Variants in MEGF8 observed in about 807,000 individuals in gnomAD.
MEGF8 encodes the protein multiple epidermal growth factor-like domains protein 8.
In MEGF8, 156 loss-of-function variants were observed where a neutral mutation model predicts 302.9. The ratio of observed to expected loss-of-function variants is 0.52; its 90% CI spans 0.45 to 0.59. The LOEUF (loss-of-function observed/expected upper bound fraction) is 0.59, where lower values mean the gene tolerates loss of function less well. Ranked by LOEUF, MEGF8 falls within the 20% of genes least tolerant of loss-of-function variation. The pLI, the probability that MEGF8 is intolerant of heterozygous loss-of-function variation, is 0.00. For synonymous variants in MEGF8, 1,621 were observed against 1,660.5 expected, an observed-to-expected ratio of 0.98 and a Z score of 0.58; for missense variants, 3,345 against 3,964.5, an observed-to-expected ratio of 0.84 and a Z score of 4.20.
rs1568576502 is a variant in MEGF8, at chr19:42,369,991, G to A, written c.6835-198G>A. Among the ~76,000 whole-genome samples the A allele has an allele frequency of 6.6e-6, 1 of 152,330 alleles. No homozygotes were observed. Among genetic ancestry groups the A allele is most frequent in the East Asian group, 1.9e-4 (1 of 5,172 alleles). On this transcript the variant is annotated intron_variant, in intron 38 of 41. Transcript: ENST00000251268. This position sits in a 1 kb window ranked among gnomAD's most constrained non-coding sequence, Gnocchi z 5.7. ...GGAGGATTTGAGATAATGGAGGGAA[G>A]GGCTTTTGAACTCAGCACTTTGGGC...
In MEGF8 at chr19:42,336,294, G is replaced by A; in HGVS notation, c.1192G>A (p.Ala398Thr). ...CACTGGCCACTCCATGGTGTTCCAT[G>A]CCCCCTCCCGTGCCCTGCTGGTCCA... is the stretch of plus-strand genomic sequence containing the variant. ...AATGHSMVFH[A>T]PSRALLVHGG... The change falls in exon 6 of 42, where the codon GCC becomes ACC. Residue 398 changes from alanine to threonine, a missense_variant. By Grantham distance (58) the Ala-to-Thr change is moderately conservative. Coordinates refer to ENST00000251268, the MANE Select transcript of MEGF8 (RefSeq NM_001271938.2). This position sits in a 1 kb window ranked among gnomAD's most constrained non-coding sequence, Gnocchi z 4.8. The A allele has an allele frequency of 1.2e-6, 2 of 1,607,912 alleles. No homozygotes were observed. Among genetic ancestry groups the A allele is most frequent in the Non-Finnish European group, 1.7e-6 (2 of 1,179,548 alleles).
chr19:42,344,882 A>G lies in MEGF8; in HGVS notation c.2097+49A>G, dbSNP rs747696368. 2.7e-6 allele frequency: 4 copies of G among 1,468,118 alleles called. No homozygotes were observed. The highest frequency in any genetic ancestry group is 3.6e-6 in the Non-Finnish European group (4 of 1,103,592). The allele number at this position is 1,468,118 out of a possible 1,614,324, so 90.9% of individuals were successfully genotyped here. ...GTGGGGTGTTGATGATCCTGATCCTAGGGTTTGTTTTTTCTCAAATGCATC... is the reference window on the plus strand; with the variant it reads ...GTGGGGTGTTGATGATCCTGATCCTGGGGTTTGTTTTTTCTCAAATGCATC... On this transcript the variant is annotated intron_variant, in intron 12 of 41. Coordinates refer to ENST00000251268, the MANE Select transcript of MEGF8 (RefSeq NM_001271938.2). The surrounding 1 kb of genome is among the most constrained non-coding windows in gnomAD (Gnocchi z 4.5).
At chr19:42,337,238 C>T (rs767331135) in intron 8 of MEGF8, 32 bp downstream of exon 8, 34 of 1,611,972 alleles carry the variant, frequency 2.1e-5, no homozygotes, top group Non-Finnish European at 2.7e-5. Flanking sequence ...CTAGGGGCTC[C>T]TGAGGGTCCC....
intron 2 of MEGF8, 40 bp downstream of exon 2, chr19:42,333,808 A>G (rs1361122604): frequency 1.2e-6 from 2 of 1,604,966 alleles, no homozygotes; most frequent in African/African-American, 1.3e-5. Context: ...ACCGAGGGAA[A>G]TGGAAGAAGA....
chr19:42,363,299 C>T, intron 35 of MEGF8, 37 bp downstream of exon 35: 1 of 1,536,018 alleles, frequency 6.5e-7, no homozygotes, highest in Non-Finnish European at 8.8e-7. Context: ...AGGCAAGGGC[C>T]CGGGCAGGTC....
rs1036442786 is a variant in MEGF8, at chr19:42,352,138, C to T, written c.3102-70C>T. ...TCCTTCCAATTGGCCTCCTCTCTCC[C>T]TGTCATTGTTTCTATGTATGGCTCC... On this transcript the variant is annotated intron_variant, in intron 18 of 41. Coordinates refer to ENST00000251268, the MANE Select transcript of MEGF8 (RefSeq NM_001271938.2). The surrounding 1 kb of genome is among the most constrained non-coding windows in gnomAD (Gnocchi z 4.4). 4.8e-6 allele frequency: 7 copies of T among 1,447,614 alleles called. No homozygotes were observed. The African/African-American group carries it at 1.0e-4, about 21-fold the overall frequency. 89.7% of individuals were successfully genotyped at this position (1,447,614 alleles called of 1,614,324 possible).
intron 12 of MEGF8, among the ~76,000 whole-genome samples, chr19:42,347,976 G>T (rs2039314184): frequency 6.6e-6 from 1 of 152,194 alleles, no homozygotes; most frequent in African/African-American, 2.4e-5. Flanking sequence ...GAAAGGTGAG[G>T]AGTTGGATAA....
At chr19:42,350,497 CCTTGATCTG>C in intron 15 of MEGF8, 113 bp downstream of exon 15, 1 of 968,428 alleles carries the variant, frequency 1.0e-6, no homozygotes, top group South Asian at 1.7e-5. Context: ...GGGCTTTTGG[CCTTGATCTG>C]CAGAGCCTGG....
chr19:42,344,115 C>T lies in MEGF8; in HGVS notation c.1788+42C>T. 1 of 1,602,338 alleles carries T rather than the reference C, an allele frequency of 6.2e-7. No individual in the cohort carries two copies. Among genetic ancestry groups the T allele is most frequent in the Non-Finnish European group, 8.5e-7 (1 of 1,175,378 alleles). On this transcript the variant is annotated intron_variant, in intron 10 of 41. Transcript: ENST00000251268. This position sits in a 1 kb window ranked among gnomAD's most constrained non-coding sequence, Gnocchi z 4.5. ...GACCCTCTGTTCCCTAGCATAGAGA[C>T]CTGCCCTCAGTGTCTCCCTCTGCCT... is the stretch of plus-strand genomic sequence containing the variant.
In MEGF8 at chr19:42,368,711, G is replaced by A. The variant is rs200476096; in HGVS notation, c.6481+49G>A. The A allele has an allele frequency of 4.3e-5, 66 of 1,536,482 alleles. No homozygotes were observed. In the African/African-American group the frequency reaches 8.9e-4, roughly 21 times the overall value. ...GGAGAGGGGCTGGCCCTTGGTTGGG[G>A]TCTGATACAGTGAACATAGGGATAC... On this transcript the variant is annotated intron_variant, in intron 36 of 41. Transcript: ENST00000251268. The surrounding 1 kb of genome is among the most constrained non-coding windows in gnomAD (Gnocchi z 4.9).
rs2039768715 is a variant in MEGF8, at chr19:42,376,260, G to A, written c.8023G>A (p.Ala2675Thr). 1 of 1,611,080 alleles carries A rather than the reference G, an allele frequency of 6.2e-7. No individual in the cohort carries two copies. The highest frequency in any genetic ancestry group is 2.2e-5 in the East Asian group (1 of 44,718). The change falls in exon 42 of 42, where the codon GCT (alanine) becomes ACT (threonine). Residue 2675 changes from alanine (A) to threonine (T), a missense_variant. Physicochemically the swap from Ala to Thr is moderately conservative, Grantham distance 58 (BLOSUM62 0). Coordinates refer to ENST00000251268, the MANE Select transcript of MEGF8 (RefSeq NM_001271938.2). This position sits in a 1 kb window ranked among gnomAD's most constrained non-coding sequence, Gnocchi z 8.2. ...TGTGCTCCTCTGGAAGGCCAAGCAGGCTCTGGACCAGCGGCAGGAGCAGCG... is the reference window on the plus strand; with the variant it reads ...TGTGCTCCTCTGGAAGGCCAAGCAGACTCTGGACCAGCGGCAGGAGCAGCG... ...LCVLLWKAKQ[A>T]LDQRQEQRRH...
At position 42,377,662 on chromosome 19, in the gene MEGF8, T is replaced by G. The variant is rs778666438; in HGVS notation, c.*887T>G. The G allele has an allele frequency of 6.6e-6, 1 of 152,230 alleles. No homozygotes were observed. Among genetic ancestry groups the G allele is most frequent in the Admixed American group, 6.6e-5 (1 of 15,246 alleles). The allele number at this position is 152,230 out of a possible 1,614,324, so 9.4% of individuals were successfully genotyped here. A position where few individuals can be genotyped will look rare whatever the true frequency, so the allele number is the denominator to read the frequency against. On this transcript the variant is annotated 3_prime_UTR_variant, in exon 42 of 42. Transcript: ENST00000251268. ...ATTAGCTGGGCATGGTGGCACACACTTGTAGTCCGAGCTACTCGGGAGGCT... is the reference window on the plus strand; with the variant it reads ...ATTAGCTGGGCATGGTGGCACACACGTGTAGTCCGAGCTACTCGGGAGGCT...
rs1328107580 is a variant in MEGF8 at position 42,351,379 on chromosome 19, G to A, written c.2855+45G>A. 1 of 1,572,490 alleles carries A rather than the reference G, an allele frequency of 6.4e-7. No homozygotes were observed. The highest frequency in any genetic ancestry group is 1.9e-5 in the Admixed American group (1 of 53,312). ...GGGAGTGGGTGGGTGGATGTGCCTG[G>A]GGATGTGTGCTGGCTGTGGAGTGAC... On this transcript the variant is annotated intron_variant, in intron 16 of 41. Transcript: ENST00000251268. This position sits in a 1 kb window ranked among gnomAD's most constrained non-coding sequence, Gnocchi z 5.6.
At chr19:42,343,755 G>A in intron 9 of MEGF8, 124 bp downstream of exon 9, 1 of 1,384,430 alleles carries the variant, frequency 7.2e-7, no homozygotes, top group Admixed American at 2.6e-5. Context: ...GACCATGAGA[G>A]AAGGGAAGGA....
rs2039418812 is a variant in MEGF8 at position 42,354,151 on chromosome 19, A to G, written c.4011+127A>G. 8.5e-7 allele frequency: 1 copy of G among 1,182,486 alleles called. No individual in the cohort carries two copies. Among genetic ancestry groups the G allele is most frequent in the Non-Finnish European group, 1.1e-6 (1 of 874,620 alleles). The allele number at this position is 1,182,486 out of a possible 1,614,324, so 73.2% of individuals were successfully genotyped here. ...TTTTTTGTTTTTTTAATCCTTCAAA[A>G]CCCAAACTCCTCCTCAGATCCCCAG... is the stretch of plus-strand genomic sequence containing the variant. On this transcript the variant is annotated intron_variant, in intron 22 of 41. Coordinates refer to ENST00000251268, the MANE Select transcript of MEGF8 (RefSeq NM_001271938.2). The surrounding 1 kb of genome is among the most constrained non-coding windows in gnomAD (Gnocchi z 4.3).
At chr19:42,366,203 CTTT>C (rs2147502867) in intron 35 of MEGF8, among the ~76,000 whole-genome samples, 1 of 152,236 alleles carries the variant, frequency 6.6e-6, no homozygotes, top group South Asian at 2.1e-4. Flanking sequence ...CCGCATTGTT[CTTT>C]TTTTCTTTTT....
chr19:42,373,541 C>T (rs1159357658), intron 41 of MEGF8, among the ~76,000 whole-genome samples: 2 of 150,804 alleles, frequency 1.3e-5, no homozygotes, highest in African/African-American at 2.4e-5. Flanking sequence ...GCTGAGACTA[C>T]AAGCATGTGC....
Position 42,359,097 on chromosome 19 carries a change from G to GC in MEGF8, c.5347dup (p.Arg1783ProfsTer25). The GC allele has an allele frequency of 8.4e-7, 1 of 1,188,430 alleles. No homozygotes were observed. Among genetic ancestry groups the GC allele is most frequent in the Non-Finnish European group, 1.1e-6 (1 of 886,096 alleles). The allele number at this position is 1,188,430 out of a possible 1,614,324, so 73.6% of individuals were successfully genotyped here. On this transcript the variant is annotated frameshift_variant and splice_region_variant. Transcript: ENST00000251268. LOFTEE classifies it high-confidence loss of function. ...CCCCCCACCCCCCGTCTCCCCAACA[G>GC]CCCCGCCCCCGGCTTTTCCACGCCT...
rs770322892 is a variant in MEGF8 at position 42,336,811 on chromosome 19, T to C, written c.1249T>C (p.Ser417Pro). The C allele has an allele frequency of 4.4e-6, 7 of 1,586,618 alleles. No homozygotes were observed. Among genetic ancestry groups the C allele is most frequent in the Non-Finnish European group, 6.0e-6 (7 of 1,165,924 alleles). Residue 417 changes from serine (S) to proline (P), a missense_variant, in exon 7 of 42, where the codon TCT (serine) becomes CCT (proline). By Grantham distance (74) the Ser-to-Pro change is moderately conservative (BLOSUM62 -1). Transcript: ENST00000251268. The surrounding 1 kb of genome is among the most constrained non-coding windows in gnomAD (Gnocchi z 4.8). ...GGHRPSTARF[S>P]VRVNSTELFH... ...GCCCTGCTTCTCCTTCGGTAGGTTCTCTGTGCGAGTGAACTCCACTGAGCT... is the reference window on the plus strand; with the variant it reads ...GCCCTGCTTCTCCTTCGGTAGGTTCCCTGTGCGAGTGAACTCCACTGAGCT...
Sources: allele counts gnomAD v4.1 joint callset (sites outside exome capture counted in the v4.1 genomes callset), GRCh38; gene constraint gnomAD v4.1.1; non-coding constraint Gnocchi (gnomAD v3.1); transcripts MANE v1.5; gene names NCBI Gene and HGNC (gene_info 2026-07-23, HGNC 2026-07-21).